Variants in GRHL2 observed in about 807,000 individuals in gnomAD.
GRHL2 encodes the protein grainyhead-like protein 2 homolog.
Under a neutral mutation model 83.8 loss-of-function variants are expected in GRHL2, and 21 were observed. That is an observed-to-expected ratio of 0.25 (90% CI 0.18 to 0.36). The LOEUF (loss-of-function observed/expected upper bound fraction) is 0.36. Ranked by LOEUF, GRHL2 falls within the 10% of genes least tolerant of loss-of-function variation. The probability of loss-of-function intolerance (pLI) is 1.00; values close to 1 mark genes in which losing one functional copy is unlikely to be tolerated. For missense variants in GRHL2, 623 were observed against 781.8 expected (o/e 0.80, Z 2.42); for synonymous variants, 280 against 278.9 (o/e 1.00, Z -0.04).
chr8:101,582,007 G>A (rs1812062671), intron 7 of GRHL2, among the ~76,000 whole-genome samples: 1 of 152,206 alleles, frequency 6.6e-6, no homozygotes, highest in Admixed American at 6.5e-5. Context: ...GGAGGCCGTG[G>A]CAGGCAGATC....
In GRHL2 at chr8:101,567,903, C is replaced by T. The variant is rs76273526; in HGVS notation, c.679-2436C>T. 4.5e-4 allele frequency among the ~76,000 whole-genome samples: 69 copies of T among 152,316 alleles called. No individual in the cohort carries two copies. The East Asian group carries it at 0.013, about 28-fold the overall frequency. On this transcript the variant is annotated intron_variant, in intron 4 of 15. Transcript: ENST00000646743. The stretch of plus-strand genomic sequence containing the variant: ...TTCATTCTTGCCATGTTTACTAATG[C>T]TGATTCACCTGGTTTTTATGGATTA...
chr8:101,672,255 C>T (rs574238744), downstream of GRHL2, among the ~76,000 whole-genome samples: 11 of 151,638 alleles, frequency 7.3e-5, no homozygotes, highest in East Asian at 9.7e-4. Flanking sequence ...CAAACTACTC[C>T]GAGCTACAGG....
chr8:101,673,271 G>A (rs1346390448), downstream of GRHL2, among the ~76,000 whole-genome samples: 1 of 152,036 alleles, frequency 6.6e-6, no homozygotes, highest in African/African-American at 2.4e-5. Flanking sequence ...ATTGGATAGA[G>A]TCAAGACCCA....
rs534542829 is a variant in GRHL2 at position 101,532,492 on chromosome 8, C to G, written c.21-10749C>G. On this transcript the variant is annotated intron_variant, in intron 1 of 15. Coordinates refer to ENST00000646743, the MANE Select transcript of GRHL2 (RefSeq NM_024915.4). ...TTCAGCTGGCCGCGGTGGCTCATGC[C>G]TGTTATCCCAGCACTTTAGGAGGCC... 3.3e-5 allele frequency among the ~76,000 whole-genome samples: 5 copies of G among 152,252 alleles called. No individual in the cohort carries two copies. The East Asian group carries it at 9.7e-4, about 29-fold the overall frequency.
chr8:101,674,607 A>C (rs1179724738), downstream of GRHL2, among the ~76,000 whole-genome samples: 2 of 152,208 alleles, frequency 1.3e-5, no homozygotes, highest in African/African-American at 4.8e-5. Context: ...AGATGGATTC[A>C]TAGCCGAATT....
chr8:101,603,455 C>T (rs944705338), intron 8 of GRHL2, among the ~76,000 whole-genome samples: 1 of 152,100 alleles, frequency 6.6e-6, no homozygotes, highest in African/African-American at 2.4e-5. Flanking sequence ...TCATTGCTGA[C>T]TTACATTTTA....
At chr8:101,496,745 T>C (rs1810114637) in intron 1 of GRHL2, among the ~76,000 whole-genome samples, 2 of 152,056 alleles carry the variant, frequency 1.3e-5, no homozygotes, top group African/African-American at 4.8e-5. Context: ...TCCAATGAGG[T>C]GAGCTTTGAG....
chr8:101,521,668 G>GT (rs1315825130), intron 1 of GRHL2, among the ~76,000 whole-genome samples: 3 of 152,130 alleles, frequency 2.0e-5, no homozygotes, highest in Admixed American at 6.5e-5. Flanking sequence ...AACTTTCATG[G>GT]TTTTTAAGTA....
intron 9 of GRHL2, among the ~76,000 whole-genome samples, chr8:101,629,382 ATATAG>A (rs1457891900): frequency 6.6e-6 from 1 of 151,938 alleles, no homozygotes; most frequent in African/African-American, 2.4e-5. Context: ...TGCACACTTG[ATATAG>A]TATAGTGCAA....
intron 14 of GRHL2, among the ~76,000 whole-genome samples, chr8:101,653,750 A>G (rs903097858): frequency 1.3e-5 from 2 of 151,800 alleles, no homozygotes; most frequent in African/African-American, 4.8e-5. Flanking sequence ...AAAAAAAACA[A>G]AAACAAAAAC....
chr8:101,594,067 A>G (rs952022497), intron 7 of GRHL2, among the ~76,000 whole-genome samples: 6 of 54,188 alleles, frequency 1.1e-4, no homozygotes, highest in African/African-American at 5.6e-4. Flanking sequence ...GAGAGTCTGT[A>G]TCAAAAAAAA....
chr8:101,523,592 C>T (rs905990350), intron 1 of GRHL2, among the ~76,000 whole-genome samples: 5 of 151,970 alleles, frequency 3.3e-5, no homozygotes, highest in African/African-American at 1.2e-4. Flanking sequence ...CCTTCCACCT[C>T]AGCCTCCCAA....
chr8:101,604,236 G>T (rs886773991), intron 8 of GRHL2, among the ~76,000 whole-genome samples: 6 of 151,832 alleles, frequency 4.0e-5, no homozygotes, highest in Non-Finnish European at 7.4e-5. Context: ...AGATTTGTTG[G>T]TCACTAATCC....
intron 1 of GRHL2, among the ~76,000 whole-genome samples, chr8:101,507,305 G>C (rs1810360352): frequency 6.6e-6 from 1 of 152,036 alleles, no homozygotes; most frequent in South Asian, 2.1e-4. Context: ...GTATGTGTGA[G>C]TACTTTCATT....
At chr8:101,512,898 G>A (rs749951511) in intron 1 of GRHL2, among the ~76,000 whole-genome samples, 24 of 152,222 alleles carry the variant, frequency 1.6e-4, no homozygotes, top group Middle Eastern at 3.4e-3. Flanking sequence ...TCTGAGATCC[G>A]GGTGCCAGCA....
chr8:101,654,377 C>T (rs952683025), intron 14 of GRHL2, among the ~76,000 whole-genome samples: 1 of 152,190 alleles, frequency 6.6e-6, no homozygotes, highest in Non-Finnish European at 1.5e-5. Context: ...CACATATAGT[C>T]AGTAGATCTT....
At position 101,545,265 on chromosome 8, in the gene GRHL2, G is replaced by A. The variant is rs116520176; in HGVS notation, c.216+1829G>A. On this transcript the variant is annotated intron_variant, in intron 2 of 15. Coordinates refer to ENST00000646743, the MANE Select transcript of GRHL2 (RefSeq NM_024915.4). ...ACTTTCCCACTTATCAAGAGAGCCA[G>A]CATTGGCAGATTGTGACCACCCTCT... Among the ~76,000 whole-genome samples, 464 of 152,192 alleles carry A rather than the reference G, an allele frequency of 3.0e-3. 2 individuals carry two copies. Among genetic ancestry groups the A allele is most frequent in the African/African-American group, 0.01 (419 of 41,518 alleles).
intron 10 of GRHL2, 39 bp from the exon 11 acceptor site, chr8:101,632,187 A>G: frequency 1.9e-6 from 3 of 1,612,174 alleles, no homozygotes; most frequent in Non-Finnish European, 2.5e-6. Context: ...TTAGTCATAT[A>G]TGACTCTCTC....
intron 1 of GRHL2, among the ~76,000 whole-genome samples, chr8:101,495,008 T>C (rs1053412165): frequency 6.6e-6 from 1 of 152,254 alleles, no homozygotes. Context: ...TTTAAGTCAA[T>C]ACATGACTTC....
Sources: allele counts gnomAD v4.1 joint callset (sites outside exome capture counted in the v4.1 genomes callset), GRCh38; gene constraint gnomAD v4.1.1; transcripts MANE v1.5; gene names NCBI Gene and HGNC (gene_info 2026-07-23, HGNC 2026-07-21).